Variants in GPC6 observed in about 807,000 individuals in gnomAD.
The protein encoded by GPC6 is glypican-6.
Under a neutral mutation model 55.2 loss-of-function variants are expected in GPC6, and 14 were observed. The ratio of observed to expected loss-of-function variants is 0.25; its 90% CI spans 0.17 to 0.40. The LOEUF is 0.40. Among genes scored for constraint, GPC6 ranks in the 10% least tolerant of loss-of-function variants. The probability of loss-of-function intolerance (pLI) is 1.00; values close to 1 mark genes in which losing one functional copy is unlikely to be tolerated. For synonymous variants in GPC6, 278 were observed against 259.6 expected (o/e 1.07, Z -0.68); for missense variants, 641 against 708.5 (o/e 0.90, Z 1.08).
intron 1 of GPC6, among the ~76,000 whole-genome samples, chr13:93,273,770 C>T (rs556591222): frequency 6.6e-6 from 1 of 152,216 alleles, no homozygotes; most frequent in East Asian, 1.9e-4. Context: ...CCTTTAAGAT[C>T]AACTGATTGA....
At chr13:94,049,741 C>G (rs1168215800) in intron 4 of GPC6, among the ~76,000 whole-genome samples, 1 of 152,152 alleles carries the variant, frequency 6.6e-6, no homozygotes, top group African/African-American at 2.4e-5. Context: ...AGGAGCTCCT[C>G]TCTTTAATTT....
At chr13:93,263,289 C>T (rs1000727871) in intron 1 of GPC6, among the ~76,000 whole-genome samples, 1 of 151,980 alleles carries the variant, frequency 6.6e-6, no homozygotes, top group Non-Finnish European at 1.5e-5. Flanking sequence ...TTATCTGTTT[C>T]CTTTTGCTAG....
intron 4 of GPC6, among the ~76,000 whole-genome samples, chr13:94,248,037 G>A (rs577361344): frequency 6.6e-6 from 1 of 152,160 alleles, no homozygotes; most frequent in South Asian, 2.1e-4. Context: ...CTTTGTCTGA[G>A]TTAGGTATCA....
At chr13:93,498,348 C>G (rs1192010080) in intron 1 of GPC6, among the ~76,000 whole-genome samples, 2 of 152,196 alleles carry the variant, frequency 1.3e-5, no homozygotes, top group African/African-American at 4.8e-5. Context: ...TCATGATACC[C>G]TTTTAATTGA....
intron 3 of GPC6, among the ~76,000 whole-genome samples, chr13:93,952,909 G>A (rs1299001268): frequency 1.4e-5 from 2 of 144,812 alleles, no homozygotes; most frequent in East Asian, 2.0e-4. Flanking sequence ...GTGTATATAT[G>A]TATATATATA....
intron 4 of GPC6, among the ~76,000 whole-genome samples, chr13:94,279,775 G>A (rs934045664): frequency 6.6e-6 from 1 of 152,164 alleles, no homozygotes; most frequent in African/African-American, 2.4e-5. Flanking sequence ...TTAATCCTGA[G>A]TTCTAATTTG....
chr13:93,391,122 G>A (rs1032210596), intron 1 of GPC6, among the ~76,000 whole-genome samples: 2 of 151,996 alleles, frequency 1.3e-5, no homozygotes, highest in African/African-American at 4.8e-5. Flanking sequence ...AGTTCATCAT[G>A]GAGCAGTGCT....
intron 2 of GPC6, among the ~76,000 whole-genome samples, chr13:93,578,945 C>A (rs1268648740): frequency 6.6e-6 from 1 of 151,982 alleles, no homozygotes; most frequent in Non-Finnish European, 1.5e-5. Flanking sequence ...TTATTTACAG[C>A]AAAGTTGATG....
At chr13:93,742,506 T>C (rs1594418025) in intron 2 of GPC6, among the ~76,000 whole-genome samples, 2 of 152,330 alleles carry the variant, frequency 1.3e-5, no homozygotes, top group South Asian at 4.1e-4. Flanking sequence ...TATCTCTTGA[T>C]AGCCTTGTGA....
At chr13:93,225,414 A>C (rs558693070), upstream of GPC6, among the ~76,000 whole-genome samples, 1 of 152,342 alleles carries the variant, frequency 6.6e-6, no homozygotes, top group African/African-American at 2.4e-5. Context: ...TTGTGAAAGC[A>C]AAAAACTGTG....
chr13:93,239,264 G>A (rs1051184736), intron 1 of GPC6, among the ~76,000 whole-genome samples: 1 of 151,854 alleles, frequency 6.6e-6, no homozygotes, highest in South Asian at 2.1e-4. Flanking sequence ...CTCACTACTT[G>A]TTATTTGTCT....
chr13:93,475,159 T>TACACAC lies in GPC6; in HGVS notation c.161-70088_161-70083dup, dbSNP rs35324469. On this transcript the variant is annotated intron_variant, in intron 1 of 8. Transcript: ENST00000377047. ...CTGAATCCTTAGATAAATAAATAAA[T>TACACAC]ACACACACACACACACACACAAACA... is the stretch of plus-strand genomic sequence containing the variant. Among the ~76,000 whole-genome samples, 430 of 149,630 alleles carry TACACAC rather than the reference T, an allele frequency of 2.9e-3. 1 individual carries two copies. The highest frequency in any genetic ancestry group is 4.7e-3 in the Non-Finnish European group (316 of 67,276).
intron 1 of GPC6, among the ~76,000 whole-genome samples, chr13:93,536,829 G>A (rs1232353145): frequency 6.6e-6 from 1 of 152,134 alleles, no homozygotes; most frequent in African/African-American, 2.4e-5. Flanking sequence ...TTGAAGTACT[G>A]TAAATGGTAA....
At chr13:93,903,065 C>T (rs546357230) in intron 3 of GPC6, among the ~76,000 whole-genome samples, 97 of 152,196 alleles carry the variant, frequency 6.4e-4, no homozygotes, top group African/African-American at 1.9e-3. Flanking sequence ...CAAAAATCAA[C>T]GCATAATGGA....
intron 2 of GPC6, among the ~76,000 whole-genome samples, chr13:93,668,739 G>T (rs1036103193): frequency 1.3e-5 from 2 of 152,176 alleles, no homozygotes; most frequent in Non-Finnish European, 2.9e-5. Flanking sequence ...AGGGAGCTCA[G>T]CCTTGCCTAC....
chr13:93,977,517 T>A (rs1295158793), intron 3 of GPC6, among the ~76,000 whole-genome samples: 1 of 95,844 alleles, frequency 1.0e-5, no homozygotes, highest in East Asian at 4.1e-4. Context: ...TGTGTGTGTG[T>A]GGTGTGTCTT....
chr13:93,395,546 A>C, intron 1 of GPC6: 1 of 173,188 alleles, frequency 5.8e-6, no homozygotes, highest in East Asian at 1.7e-4. Flanking sequence ...ACCAACAACA[A>C]ATATATTCTT....
intron 1 of GPC6, among the ~76,000 whole-genome samples, chr13:93,291,068 C>G (rs1395910521): frequency 1.3e-5 from 2 of 152,122 alleles, no homozygotes; most frequent in Non-Finnish European, 2.9e-5. Flanking sequence ...GGCATCTCTA[C>G]TTAAAATTAG....
At chr13:93,522,642 AGAG>A (rs1175662423) in intron 1 of GPC6, among the ~76,000 whole-genome samples, 2 of 151,802 alleles carry the variant, frequency 1.3e-5, no homozygotes, top group Non-Finnish European at 2.9e-5. Context: ...ATCATGCTTC[AGAG>A]GAGATGAGCT....
Sources: allele counts gnomAD v4.1 joint callset (sites outside exome capture counted in the v4.1 genomes callset), GRCh38; gene constraint gnomAD v4.1.1; transcripts MANE v1.5; gene names NCBI Gene and HGNC (gene_info 2026-07-23, HGNC 2026-07-21).